The following GRIP2 variants were observed in gnomAD, a reference collection of about 807,000 sequenced individuals.
The protein encoded by GRIP2 is glutamate receptor interacting protein 2.
GRIP2 carries 58 observed loss-of-function variants against 108.3 expected under a neutral mutation model. That is an observed-to-expected ratio of 0.54 (90% confidence interval 0.43 to 0.67). The LOEUF is 0.67. Ranked by LOEUF, GRIP2 falls within the 30% of genes least tolerant of loss-of-function variation. The pLI is 0.00. For synonymous variants in GRIP2, 586 were observed against 598.2 expected (o/e 0.98, Z 0.30); for missense variants, 1,278 against 1,430.6 (o/e 0.89, Z 1.72).
chr3:14,513,895 C>A, intron 12 of GRIP2, 85 bp from the exon 13 acceptor site: 1 of 1,492,602 alleles, frequency 6.7e-7, no homozygotes, highest in South Asian at 1.3e-5. Flanking sequence ...CAGGACTGAA[C>A]CTGGGTCACA....
At chr3:14,587,316 C>A in the GRIP2 span, among the ~76,000 whole-genome samples, 3 of 152,108 alleles carry the variant, frequency 2.0e-5, no homozygotes, top group African/African-American at 7.2e-5. Flanking sequence ...AAGGAGGAAC[C>A]ATGAAACTGG....
upstream of GRIP2, chr3:14,540,381 C>A: frequency 6.2e-7 from 1 of 1,610,900 alleles, no homozygotes; most frequent in African/African-American, 1.3e-5. This position sits in a 1 kb window ranked among gnomAD's most constrained non-coding sequence, Gnocchi z 4.1. Context: ...CTCCCCTCCC[C>A]AGGGAGGGGC....
At chr3:14,558,105 T>C (rs1368833364), upstream of GRIP2, among the ~76,000 whole-genome samples, 1 of 152,218 alleles carries the variant, frequency 6.6e-6, no homozygotes, top group Non-Finnish European at 1.5e-5. Flanking sequence ...TTCCATGAAC[T>C]ATCACATCAA....
the GRIP2 span, among the ~76,000 whole-genome samples, chr3:14,562,488 A>G: frequency 1.3e-5 from 2 of 152,218 alleles, no homozygotes; most frequent in Non-Finnish European, 2.9e-5. Context: ...GGTGGTTAAG[A>G]TACCACATCA....
In GRIP2 at chr3:14,493,303, A is replaced by C; in HGVS notation, c.*362T>G. The stretch of plus-strand genomic sequence containing the variant: ...CAGCTCCATGGCTTTGCTGGGAGGA[A>C]GTGCTCCCTACATCTTCGACCTCTC... On this transcript the variant is annotated 3_prime_UTR_variant, in exon 24 of 24. Transcript: ENST00000621039. 1.4e-5 allele frequency: 3 copies of C among 213,610 alleles called. No homozygotes were observed. Among genetic ancestry groups the C allele is most frequent in the East Asian group, 1.0e-4 (1 of 9,824 alleles). The allele number at this position is 213,610 out of a possible 1,614,324, so 13.2% of individuals were successfully genotyped here.
chr3:14,582,300 AC>A, the GRIP2 span, among the ~76,000 whole-genome samples: 1 of 152,188 alleles, frequency 6.6e-6, no homozygotes, highest in Non-Finnish European at 1.5e-5. Flanking sequence ...CGCTTGGATC[AC>A]TGCTCAAGTC....
upstream of GRIP2, among the ~76,000 whole-genome samples, chr3:14,540,902 T>C (rs1694955220): frequency 6.6e-6 from 1 of 152,164 alleles, no homozygotes; most frequent in Admixed American, 6.5e-5. The surrounding 1 kb of genome is among the most constrained non-coding windows in gnomAD (Gnocchi z 4.1). Context: ...CAGTTTTCCC[T>C]CGGTAAAATG....
At chr3:14,517,988 C>A in intron 9 of GRIP2, 91 bp from the exon 10 acceptor site, 1 of 1,402,984 alleles carries the variant, frequency 7.1e-7, no homozygotes, top group Non-Finnish European at 9.5e-7. Context: ...AGAAGATCCT[C>A]GTGCTTCCCC....
In GRIP2 at chr3:14,507,786, C is replaced by A. The variant is rs1332398665; in HGVS notation, c.2079-86G>T. The A allele has an allele frequency of 4.7e-6, 7 of 1,499,194 alleles. No individual in the cohort carries two copies. The African/African-American group carries it at 5.5e-5, about 12-fold the overall frequency. 92.9% of individuals were successfully genotyped at this position (1,499,194 alleles called of 1,614,324 possible). Reference sequence around the variant, plus strand: ...TCTGCCCTCAGGGAATCCAGGAGAGCCACAAAGCAGAAGTCTGGCTGACCC... The same window carrying A: ...TCTGCCCTCAGGGAATCCAGGAGAGACACAAAGCAGAAGTCTGGCTGACCC... On this transcript the variant is annotated intron_variant, in intron 17 of 23. Coordinates refer to ENST00000621039, the MANE Select transcript of GRIP2 (RefSeq NM_001080423.4). The surrounding 1 kb of genome is among the most constrained non-coding windows in gnomAD (Gnocchi z 4.6).
In GRIP2 at chr3:14,507,445, C is replaced by T. The variant is rs533768084; in HGVS notation, c.2218+116G>A. 98 of 1,293,670 alleles carry T rather than the reference C, an allele frequency of 7.6e-5. No homozygotes were observed. In the South Asian group the frequency reaches 8.5e-4, roughly 11 times the overall value. 80.1% of individuals were successfully genotyped at this position (1,293,670 alleles called of 1,614,324 possible). On this transcript the variant is annotated intron_variant, in intron 18 of 23. Transcript: ENST00000621039. This position sits in a 1 kb window ranked among gnomAD's most constrained non-coding sequence, Gnocchi z 4.6. ...CTTATCTTCTTTGCCATCGCAGGCC[C>T]GCCTCCACAGGGCTGCAGTGAGGAC...
rs755123222 is a variant in GRIP2, at chr3:14,517,871, G to A, written c.1057C>T (p.His353Tyr). The A allele has an allele frequency of 6.9e-6, 11 of 1,592,120 alleles. No homozygotes were observed. The highest frequency in any genetic ancestry group is 1.8e-5 in the Admixed American group (1 of 56,954). Residue 353 changes from histidine (H) to tyrosine (Y), a missense_variant, in exon 10 of 24, where the codon CAC becomes TAC. Transcript: ENST00000621039. The stretch of plus-strand genomic sequence containing the variant: ...GAGGGCACGCAGGGGTCCCAGCGGT[G>A]CAGCTGCTCACTCCTCTGCACTTTC... ...AVKVQRSEQL[H>Y]RWDPCVPSCH...
the GRIP2 span, among the ~76,000 whole-genome samples, chr3:14,598,320 ACATCAGCTAGCTGGGTACCAC>A: frequency 6.6e-6 from 1 of 150,574 alleles, no homozygotes; most frequent in South Asian, 2.1e-4. Flanking sequence ...GCATAGGGAC[ACATCAGCTAGCTGGGTACCAC>A]AGGGGGACAC....
At chr3:14,574,510 T>G in the GRIP2 span, 1 of 736,374 alleles carries the variant, frequency 1.4e-6, no homozygotes, top group Non-Finnish European at 2.5e-6. Flanking sequence ...GCCCTGCCAG[T>G]GAGGTACTCC....
chr3:14,568,540 C>T, the GRIP2 span, among the ~76,000 whole-genome samples: 12 of 152,152 alleles, frequency 7.9e-5, no homozygotes, highest in Admixed American at 1.3e-4. Context: ...CCTGTGCTCT[C>T]TCATTCTGTC....
At chr3:14,593,070 T>C in the GRIP2 span, among the ~76,000 whole-genome samples, 1 of 152,170 alleles carries the variant, frequency 6.6e-6, no homozygotes, top group Non-Finnish European at 1.5e-5. Flanking sequence ...ACCACACACG[T>C]GGACACCACT....
chr3:14,573,026 C>T, the GRIP2 span: 5 of 1,407,586 alleles, frequency 3.6e-6, no homozygotes, highest in East Asian at 6.9e-5. Context: ...ATTTCCAGTA[C>T]AGATGGAACT....
the GRIP2 span, among the ~76,000 whole-genome samples, chr3:14,596,551 A>C: frequency 2.0e-5 from 3 of 152,176 alleles, no homozygotes; most frequent in Non-Finnish European, 4.4e-5. Flanking sequence ...TGTACCATGC[A>C]ATATACTAGT....
intron 20 of GRIP2, chr3:14,503,983 G>GA (rs1690652015): frequency 2.6e-6 from 1 of 385,424 alleles, no homozygotes; most frequent in African/African-American, 2.0e-5. Flanking sequence ...ACAAACAGAC[G>GA]AACAGACAGA....
chr3:14,566,453 G>T, the GRIP2 span, among the ~76,000 whole-genome samples: 1 of 152,244 alleles, frequency 6.6e-6, no homozygotes, highest in African/African-American at 2.4e-5. Flanking sequence ...TACGCTCATG[G>T]ATCCATACCC....
Sources: gnomAD v4.1 joint callset for allele counts (sites outside exome capture counted in the v4.1 genomes callset) on GRCh38, gnomAD v4.1.1 for gene constraint, Gnocchi (gnomAD v3.1) non-coding constraint, MANE v1.5 for transcripts, NCBI Gene and HGNC (gene_info 2026-07-23, HGNC 2026-07-21) for gene names.